Variants in PCDHGA4 observed in about 807,000 individuals in gnomAD.
PCDHGA4 encodes protocadherin gamma-A4.
Under a neutral mutation model 54.6 loss-of-function variants are expected in PCDHGA4, and 38 were observed. That is an observed-to-expected ratio of 0.70 (90% CI 0.54 to 0.91). The LOEUF is 0.91. PCDHGA4 is among the 40% of genes least tolerant of loss of function. The pLI, the probability that PCDHGA4 is intolerant of heterozygous loss-of-function variation, is 0.00. For synonymous variants in PCDHGA4, 511 were observed against 512.9 expected (o/e 1.00, Z 0.05); for missense variants, 1,298 against 1,220.9 (o/e 1.06, Z -0.94).
rs958652662 is a variant in PCDHGA4, at chr5:141,494,839, T to C, written c.2547T>C (p.Ser849=). 6.2e-7 allele frequency: 1 copy of C among 1,614,106 alleles called. No individual in the cohort carries two copies. Among genetic ancestry groups the C allele is most frequent in the Non-Finnish European group, 8.5e-7 (1 of 1,180,016 alleles). ...QAPPNTDWRF[S]QAQRPGTSGS... ...CGCCCAACACGGACTGGCGTTTCTC[T>C]CAGGCCCAGAGACCCGGCACCAGCG... The change falls in exon 2 of 4, where the codon TCT becomes TCC. Residue 849 remains serine (S), a synonymous_variant. Coordinates refer to ENST00000571252, the MANE Select transcript of PCDHGA4 (RefSeq NM_018917.4).
intron 1 of PCDHGA4, chr5:141,427,539 A>G: frequency 1.6e-6 from 1 of 632,868 alleles, no homozygotes; most frequent in Non-Finnish European, 2.9e-6. Context: ...GTACAACGTC[A>G]CCATCACTGC....
At chr5:141,391,213 C>T (rs1255778682) in intron 1 of PCDHGA4, 1 of 152,056 alleles carries the variant, frequency 6.6e-6, no homozygotes, top group African/African-American at 2.4e-5. Flanking sequence ...TACCAAGGAA[C>T]ATTATATGAG....
At chr5:141,497,771 C>T (rs2099779314) in intron 2 of PCDHGA4, among the ~76,000 whole-genome samples, 1 of 152,154 alleles carries the variant, frequency 6.6e-6, no homozygotes, top group Non-Finnish European at 1.5e-5. Context: ...ACTCCCCGAC[C>T]TCAACTGATC....
chr5:141,386,377 T>G (rs535243472), intron 1 of PCDHGA4, among the ~76,000 whole-genome samples: 33 of 152,286 alleles, frequency 2.2e-4, no homozygotes, highest in African/African-American at 7.9e-4. Flanking sequence ...CTTTGAGTAT[T>G]AATTAAAAAC....
At chr5:141,384,386 T>C in intron 1 of PCDHGA4, 1 of 1,613,954 alleles carries the variant, frequency 6.2e-7, no homozygotes, top group Non-Finnish European at 8.5e-7. Flanking sequence ...GAAGACACCA[T>C]CCAGGGGGCT....
chr5:141,511,288 C>G lies in PCDHGA4; in HGVS notation c.*115C>G. ...CTAACCCCCAGAATACTGGTAGGGG[C>G]CAAGGCCATGCTCCCCTTGGGAAAC... On this transcript the variant is annotated 3_prime_UTR_variant, in exon 4 of 4. Transcript: ENST00000571252. 6.6e-7 allele frequency: 1 copy of G among 1,518,266 alleles called. No homozygotes were observed. The highest frequency in any genetic ancestry group is 8.9e-7 in the Non-Finnish European group (1 of 1,129,706). The allele number at this position is 1,518,266 out of a possible 1,614,324, so 94.0% of individuals were successfully genotyped here.
At chr5:141,446,657 A>G (rs2098510367) in intron 1 of PCDHGA4, among the ~76,000 whole-genome samples, 1 of 152,092 alleles carries the variant, frequency 6.6e-6, no homozygotes, top group African/African-American at 2.4e-5. Context: ...TTGTATTTTT[A>G]GTACAAGACA....
chr5:141,427,999 T>A, intron 1 of PCDHGA4: 1 of 1,601,186 alleles, frequency 6.2e-7, no homozygotes, highest in Non-Finnish European at 8.5e-7. Context: ...GGCTCCGCAC[T>A]CTTCGATATA....
Position 141,372,427 on chromosome 5 carries a change from G to A in PCDHGA4, c.2514+14806G>A. On this transcript the variant is annotated intron_variant, in intron 1 of 3. Coordinates refer to ENST00000571252, the MANE Select transcript of PCDHGA4 (RefSeq NM_018917.4). ...GAGATACAACCTGACCTTAGCGACC[G>A]CCCCACTCCCTCTGACCCTCAGGCG... 6.2e-7 allele frequency: 1 copy of A among 1,613,990 alleles called. No homozygotes were observed. The highest frequency in any genetic ancestry group is 8.5e-7 in the Non-Finnish European group (1 of 1,179,882).
At chr5:141,500,223 T>G (rs1034982746) in intron 2 of PCDHGA4, among the ~76,000 whole-genome samples, 16 of 145,318 alleles carry the variant, frequency 1.1e-4, no homozygotes, top group African/African-American at 3.4e-4. Context: ...TTTATTTATT[T>G]ATTGATACGT....
Position 141,384,181 on chromosome 5 carries a change from G to A in PCDHGA4, c.2514+26560G>A, listed in dbSNP as rs765782736. ...CATCACACTGAAAGCCACAGATGGTGGAACTCCTCCCTTGTCCAGGGAAAC... is the reference window on the plus strand; with the variant it reads ...CATCACACTGAAAGCCACAGATGGTAGAACTCCTCCCTTGTCCAGGGAAAC... On this transcript the variant is annotated intron_variant, in intron 1 of 3. Coordinates refer to ENST00000571252, the MANE Select transcript of PCDHGA4 (RefSeq NM_018917.4). 18 of 1,613,702 alleles carry A rather than the reference G, an allele frequency of 1.1e-5. No homozygotes were observed. Among genetic ancestry groups the A allele is most frequent in the Non-Finnish European group, 1.4e-5 (16 of 1,179,868 alleles).
chr5:141,361,118 C>G (rs749515160), intron 1 of PCDHGA4: 32 of 1,613,888 alleles, frequency 2.0e-5, no homozygotes, highest in Non-Finnish European at 8.5e-7. Context: ...GGAGATCTAG[C>G]AGCCCACTGC....
At chr5:141,369,250 A>G (rs536586980) in intron 1 of PCDHGA4, among the ~76,000 whole-genome samples, 86 of 152,320 alleles carry the variant, frequency 5.6e-4, no homozygotes, top group African/African-American at 2.0e-3. Context: ...ATAATTAAAT[A>G]ATATAATTAT....
chr5:141,421,203 G>T, intron 1 of PCDHGA4: 1 of 1,522,612 alleles, frequency 6.6e-7, no homozygotes, highest in Non-Finnish European at 8.8e-7. Flanking sequence ...TCGAGAAACC[G>T]CGGAATATCG....
At chr5:141,457,116 C>T (rs933634563) in intron 1 of PCDHGA4, among the ~76,000 whole-genome samples, 5 of 152,176 alleles carry the variant, frequency 3.3e-5, no homozygotes, top group Non-Finnish European at 7.3e-5. Flanking sequence ...AATACGACAG[C>T]AATGGAAACT....
At chr5:141,404,812 GC>G in intron 1 of PCDHGA4, 1 of 1,611,168 alleles carries the variant, frequency 6.2e-7, no homozygotes, top group African/African-American at 1.4e-5. Context: ...TCTCGGTGGG[GC>G]TGCACACAGG....
intron 1 of PCDHGA4, chr5:141,374,086 G>T: frequency 6.5e-7 from 1 of 1,529,104 alleles, no homozygotes. Context: ...AGCCAGTAAT[G>T]GCGCCTCCGC....
chr5:141,509,497 G>A (rs1167178592), intron 3 of PCDHGA4, among the ~76,000 whole-genome samples: 1 of 152,196 alleles, frequency 6.6e-6, no homozygotes, highest in Non-Finnish European at 1.5e-5. Flanking sequence ...TGGCATGCTG[G>A]ATGTGACGGT....
At chr5:141,426,174 G>A (rs1213063298) in intron 1 of PCDHGA4, 1 of 155,354 alleles carries the variant, frequency 6.4e-6, no homozygotes, top group Non-Finnish European at 1.4e-5. Flanking sequence ...ACGGATTGGG[G>A]TGCCCTCAAA....
Sources: gnomAD v4.1 joint callset for allele counts (sites outside exome capture counted in the v4.1 genomes callset) on GRCh38, gnomAD v4.1.1 for gene constraint, MANE v1.5 for transcripts, NCBI Gene and HGNC (gene_info 2026-07-23, HGNC 2026-07-21) for gene names.